Variants in NF1 observed in about 807,000 individuals in gnomAD.
NF1 encodes neurofibromin.
A neutral mutation model predicts 325.7 loss-of-function variants in NF1; 122 were observed. That is an observed-to-expected ratio of 0.37 (90% confidence interval 0.32 to 0.44). The LOEUF is 0.44. Among genes scored for constraint, NF1 ranks in the 20% least tolerant of loss-of-function variants. NF1 has a pLI of 1.00. For missense variants in NF1, 2,140 were observed against 3,415.4 expected (o/e 0.63, Z 9.31); for synonymous variants, 1,091 against 1,186.0 (o/e 0.92, Z 1.65).
chr17:31,140,750 G>T (rs931379207), intron 1 of NF1, among the ~76,000 whole-genome samples: 2 of 152,178 alleles, frequency 1.3e-5, no homozygotes, highest in African/African-American at 4.8e-5. Context: ...GTATGTGTGT[G>T]TTTATACAAT....
At chr17:31,122,196 G>C (rs1425554220) in intron 1 of NF1, among the ~76,000 whole-genome samples, 1 of 152,118 alleles carries the variant, frequency 6.6e-6, no homozygotes, top group African/African-American at 2.4e-5. Context: ...ATCTGAGCCA[G>C]GGTACTCATT....
intron 1 of NF1, among the ~76,000 whole-genome samples, chr17:31,105,314 C>A (rs1480761976): frequency 6.6e-6 from 1 of 152,168 alleles, no homozygotes; most frequent in Non-Finnish European, 1.5e-5. Context: ...TGTTCTAAAA[C>A]TTTACATATT....
rs774781617 is a variant in NF1, at chr17:31,357,002, G to T, written c.7781G>T (p.Arg2594Leu). The T allele has an allele frequency of 3.7e-6, 6 of 1,613,892 alleles. No homozygotes were observed. Among genetic ancestry groups the T allele is most frequent in the Non-Finnish European group, 5.1e-6 (6 of 1,179,928 alleles). Residue 2594 changes from arginine (R) to leucine (L), a missense_variant, in exon 53 of 58, where the codon CGT becomes CTT. By Grantham distance (102) the Arg-to-Leu change is moderately radical. Around this residue, in one of 10 missense-constraint regions of NF1, gnomAD observed 522 missense variants for 749.0 expected, o/e 0.70. Coordinates refer to ENST00000358273, the MANE Select transcript of NF1 (RefSeq NM_001042492.3). Reference sequence around the variant, plus strand: ...TCATCACAACAGCACCCACATTTACGTAAAGTTTCAGTGTCTGAATCAAAT... The same window carrying T: ...TCATCACAACAGCACCCACATTTACTTAAAGTTTCAGTGTCTGAATCAAAT... Reference protein sequence around the residue: ...ISSSQQHPHLRKVSVSESNVL... With the variant: ...ISSSQQHPHLLKVSVSESNVL...
At chr17:31,220,990 A>G (rs2066911712) in intron 14 of NF1, among the ~76,000 whole-genome samples, 1 of 152,130 alleles carries the variant, frequency 6.6e-6, no homozygotes, top group Non-Finnish European at 1.5e-5. Context: ...TAATTACAAT[A>G]AAAATGTTTG....
intron 36 of NF1, chr17:31,318,125 G>T: frequency 1.4e-6 from 1 of 693,388 alleles, no homozygotes. Context: ...CAAAACAAAA[G>T]TACACAGTTT....
At chr17:31,243,142 C>T (rs1420792645) in intron 29 of NF1, among the ~76,000 whole-genome samples, 1 of 150,140 alleles carries the variant, frequency 6.7e-6, no homozygotes, top group Admixed American at 6.7e-5. Context: ...CTTCTCTTCC[C>T]TTACTTTCCT....
chr17:31,289,815 T>A (rs968734085), intron 36 of NF1, among the ~76,000 whole-genome samples: 1 of 152,190 alleles, frequency 6.6e-6, no homozygotes, highest in African/African-American at 2.4e-5. Context: ...TTAAAATATC[T>A]TACTTTTTTA....
At chr17:31,146,447 C>T (rs1916595308) in intron 1 of NF1, among the ~76,000 whole-genome samples, 1 of 151,580 alleles carries the variant, frequency 6.6e-6, no homozygotes, top group Non-Finnish European at 1.5e-5. Context: ...ATCCATCCAT[C>T]CATCCATCCA....
At chr17:31,248,274 G>A (rs766797562) in intron 29 of NF1, among the ~76,000 whole-genome samples, 1 of 138,856 alleles carries the variant, frequency 7.2e-6, no homozygotes, top group Non-Finnish European at 1.5e-5. Context: ...TTTTCATATG[G>A]GCATATACAC....
chr17:31,163,907 A>T (rs1358481491), intron 4 of NF1, among the ~76,000 whole-genome samples: 1 of 152,200 alleles, frequency 6.6e-6, no homozygotes, highest in Admixed American at 6.5e-5. Context: ...AAAACAAAAA[A>T]ACCTAAGTGA....
At chr17:31,231,826 A>G (rs1029788216) in intron 24 of NF1, among the ~76,000 whole-genome samples, 1 of 152,086 alleles carries the variant, frequency 6.6e-6, no homozygotes, top group African/African-American at 2.4e-5. Flanking sequence ...TTCTGATTTA[A>G]GGTAGCCATT....
chr17:31,277,149 G>C (rs570837701), intron 36 of NF1, among the ~76,000 whole-genome samples: 33 of 152,334 alleles, frequency 2.2e-4, no homozygotes, highest in African/African-American at 7.9e-4. Flanking sequence ...TCTTCATGTT[G>C]AGTAGGTGGA....
intron 4 of NF1, among the ~76,000 whole-genome samples, chr17:31,165,166 C>T (rs1251375435): frequency 6.6e-6 from 1 of 152,160 alleles, no homozygotes; most frequent in East Asian, 1.9e-4. Flanking sequence ...TAGAAAATTT[C>T]TAGTCACCAA....
chr17:31,142,440 T>A (rs1329074405), intron 1 of NF1, among the ~76,000 whole-genome samples: 4 of 152,198 alleles, frequency 2.6e-5, no homozygotes, highest in Non-Finnish European at 5.9e-5. Flanking sequence ...TATTTTAAAT[T>A]TTGCTCAAGG....
Position 31,232,681 on chromosome 17 carries a change from C to T in NF1, c.3315-19C>T, listed in dbSNP as rs576287047. The stretch of plus-strand genomic sequence containing the variant: ...GATACGGCCTTCACTATGTAAAGGT[C>T]AGTCTTTTTATTTCTCAGATACTTC... On this transcript the variant is annotated intron_variant, in intron 25 of 57. Coordinates refer to ENST00000358273, the MANE Select transcript of NF1 (RefSeq NM_001042492.3). 1 of 1,611,404 alleles carries T rather than the reference C, an allele frequency of 6.2e-7. No homozygotes were observed. Among genetic ancestry groups the T allele is most frequent in the East Asian group, 2.2e-5 (1 of 44,812 alleles).
chr17:31,211,518 C>G (rs2143942856), intron 12 of NF1, among the ~76,000 whole-genome samples: 1 of 152,180 alleles, frequency 6.6e-6, no homozygotes, highest in East Asian at 1.9e-4. Context: ...TGAGTGCATC[C>G]TTAGTGATTC....
At chr17:31,250,628 G>T (rs887587453) in intron 30 of NF1, 1 of 195,112 alleles carries the variant, frequency 5.1e-6, no homozygotes, top group Non-Finnish European at 1.1e-5. Context: ...TTGAGACCAT[G>T]ATTCTAATAA....
intron 1 of NF1, among the ~76,000 whole-genome samples, chr17:31,148,389 TA>T (rs1463181583): frequency 7.4e-6 from 1 of 135,794 alleles, no homozygotes; most frequent in African/African-American, 2.5e-5. Flanking sequence ...CCGGGGTCAT[TA>T]TGTCTTTTTT....
At chr17:31,318,497 CT>C (rs748450200) in intron 36 of NF1, 1 of 1,614,018 alleles carries the variant, frequency 6.2e-7, no homozygotes, top group Non-Finnish European at 8.5e-7. Flanking sequence ...TGACGCTTGC[CT>C]ACTTGTTTTG....
Sources: gnomAD v4.1 joint callset for allele counts (sites outside exome capture counted in the v4.1 genomes callset) on GRCh38, gnomAD v4.1.1 for gene constraint, gnomAD v4.1.1 regional missense constraint, MANE v1.5 for transcripts, NCBI Gene and HGNC (gene_info 2026-07-23, HGNC 2026-07-21) for gene names.